COX7B2: variants seen among roughly 807,000 people sequenced by gnomAD.
COX7B2 encodes cytochrome c oxidase subunit 7B2.
For missense variants in COX7B2, 109 were observed against 95.9 expected (o/e 1.14, Z -0.57); for synonymous variants, 37 against 32.1 (o/e 1.15, Z -0.51).
At chr4:46,823,846 AC>A (rs1243660739) in intron 2 of COX7B2, among the ~76,000 whole-genome samples, 1 of 151,864 alleles carries the variant, frequency 6.6e-6, no homozygotes, top group African/African-American at 2.4e-5. Flanking sequence ...AAATTGACAA[AC>A]CTATAGCAAG....
chr4:46,804,839 G>C (rs1718905848), intron 2 of COX7B2, among the ~76,000 whole-genome samples: 1 of 152,248 alleles, frequency 6.6e-6, no homozygotes, highest in South Asian at 2.1e-4. Context: ...GCACTCCTCA[G>C]CCTTTGGGTG....
intron 2 of COX7B2, among the ~76,000 whole-genome samples, chr4:46,757,511 G>T (rs181326064): frequency 1.3e-5 from 2 of 152,012 alleles, no homozygotes; most frequent in Non-Finnish European, 1.5e-5. Context: ...CTCTGCTAAC[G>T]CCCAAAACAC....
chr4:46,839,962 C>A (rs1715819425), intron 2 of COX7B2, among the ~76,000 whole-genome samples: 1 of 151,928 alleles, frequency 6.6e-6, no homozygotes. Flanking sequence ...TAATGAGTAT[C>A]CATTAGGGAA....
chr4:46,761,225 C>T (rs1396782639), intron 2 of COX7B2, among the ~76,000 whole-genome samples: 1 of 152,162 alleles, frequency 6.6e-6, no homozygotes. Flanking sequence ...ACCAGAGCTT[C>T]TTGAAAAATA....
chr4:46,810,365 C>T (rs979405095), intron 2 of COX7B2, among the ~76,000 whole-genome samples: 2 of 151,948 alleles, frequency 1.3e-5, no homozygotes, highest in Admixed American at 6.5e-5. Flanking sequence ...TCTCTCTTGT[C>T]ATCTACCTTT....
intron 2 of COX7B2, among the ~76,000 whole-genome samples, chr4:46,796,759 G>A (rs1273551902): frequency 1.3e-4 from 4 of 30,026 alleles, no homozygotes; most frequent in Admixed American, 4.5e-4. Context: ...ATACTATGCA[G>A]CCATAAAAAA....
At chr4:46,873,211 T>C (rs1215153291) in intron 1 of COX7B2, among the ~76,000 whole-genome samples, 1 of 152,210 alleles carries the variant, frequency 6.6e-6, no homozygotes, top group East Asian at 1.9e-4. Context: ...ATTTTCTTTA[T>C]CCAGTCTATC....
intron 2 of COX7B2, among the ~76,000 whole-genome samples, chr4:46,745,292 C>T (rs6812330): frequency 5.9e-5 from 9 of 151,900 alleles, no homozygotes; most frequent in African/African-American, 1.9e-4. Context: ...GTTAATTAAT[C>T]TTTTTATGAA....
chr4:46,754,718 GTGTGTGTGTGTATA>G lies in COX7B2; in HGVS notation c.-49-19491_-49-19478del, dbSNP rs1371018299. Among the ~76,000 whole-genome samples, 7 of 35,092 alleles carry G rather than the reference GTGTGTGTGTGTATA, an allele frequency of 2.0e-4. 1 individual carries two copies. The highest frequency in any genetic ancestry group is 2.5e-3 in the East Asian group (2 of 812). 23.0% of individuals were successfully genotyped at this position (35,092 alleles called of 152,430 possible). ...AATACGTGTGTGTGTGTGTGTGTGTGTGTGTGTGTGTATATATATATATATATATATGAAAGAAA... is the reference window on the plus strand; with the variant it reads ...AATACGTGTGTGTGTGTGTGTGTGTGTATATATATATATATATGAAAGAAA... On this transcript the variant is annotated intron_variant, in intron 2 of 2. Transcript: ENST00000355591.
At chr4:46,869,459 T>C (rs1249830504) in intron 1 of COX7B2, among the ~76,000 whole-genome samples, 1 of 152,200 alleles carries the variant, frequency 6.6e-6, no homozygotes, top group Non-Finnish European at 1.5e-5. Flanking sequence ...GGTTGCTTTA[T>C]AGTGACACTG....
intron 2 of COX7B2, among the ~76,000 whole-genome samples, chr4:46,781,984 G>A (rs930796757): frequency 1.3e-5 from 2 of 152,156 alleles, no homozygotes; most frequent in Non-Finnish European, 2.9e-5. Context: ...CTCCCTGATG[G>A]GCGCCGCCCC....
chr4:46,875,420 C>A (rs1718259024), intron 1 of COX7B2, among the ~76,000 whole-genome samples: 1 of 152,126 alleles, frequency 6.6e-6, no homozygotes, highest in Non-Finnish European at 1.5e-5. Context: ...AAAATTGTTC[C>A]ATCTTTTCAA....
chr4:46,827,304 A>G (rs114439255), intron 2 of COX7B2, among the ~76,000 whole-genome samples: 20 of 152,234 alleles, frequency 1.3e-4, no homozygotes, highest in African/African-American at 4.6e-4. Flanking sequence ...GAAAATCACA[A>G]CCGAGAAACT....
intron 2 of COX7B2, among the ~76,000 whole-genome samples, chr4:46,735,893 G>A (rs1321190264): frequency 3.9e-5 from 6 of 152,046 alleles, no homozygotes; most frequent in Admixed American, 6.6e-5. Flanking sequence ...GGTTCACAGC[G>A]AAATTGAGCA....
intron 2 of COX7B2, among the ~76,000 whole-genome samples, chr4:46,827,589 C>T (rs1042361617): frequency 2.0e-5 from 3 of 152,106 alleles, no homozygotes; most frequent in African/African-American, 7.2e-5. Context: ...GAAATAAAAA[C>T]CTTTTGTGTC....
chr4:46,819,284 A>T (rs1341010798), intron 2 of COX7B2, among the ~76,000 whole-genome samples: 2 of 152,174 alleles, frequency 1.3e-5, no homozygotes, highest in African/African-American at 4.8e-5. Flanking sequence ...GTCACACCTC[A>T]TTCATTCCCT....
chr4:46,838,410 T>A (rs1055471355), intron 2 of COX7B2, among the ~76,000 whole-genome samples: 2 of 152,054 alleles, frequency 1.3e-5, no homozygotes, highest in Non-Finnish European at 2.9e-5. Context: ...GATGACATAA[T>A]TGGCATTCTG....
chr4:46,755,014 A>T lies in COX7B2; in HGVS notation c.-49-19773T>A, dbSNP rs1020143587. Among the ~76,000 whole-genome samples the T allele has an allele frequency of 4.0e-5, 6 of 151,712 alleles. No homozygotes were observed. In the Admixed American group the frequency reaches 4.0e-4, roughly 10 times the overall value. On this transcript the variant is annotated intron_variant, in intron 2 of 2. Coordinates refer to ENST00000355591, the MANE Select transcript of COX7B2 (RefSeq NM_130902.3). ...CAACAACAAAAGAAAACATGCAGTG[A>T]TGAACACAGATGCAAAAATCCTCAA...
Position 46,871,617 on chromosome 4 carries a change from A to T in COX7B2, c.-104-26603T>A, listed in dbSNP as rs574730340. On this transcript the variant is annotated intron_variant, in intron 1 of 2. Transcript: ENST00000355591. Reference sequence around the variant, plus strand: ...AAAGGTCTAATACCCAGCATCTATAAGGAGTTTAAACATATTTACAAGAAA... The same window carrying T: ...AAAGGTCTAATACCCAGCATCTATATGGAGTTTAAACATATTTACAAGAAA... Among the ~76,000 whole-genome samples, 347 of 151,990 alleles carry T rather than the reference A, an allele frequency of 2.3e-3. 3 individuals are homozygous for T. Among genetic ancestry groups the T allele is most frequent in the African/African-American group, 8.1e-3 (336 of 41,502 alleles).
Sources: gnomAD v4.1 joint callset for allele counts (sites outside exome capture counted in the v4.1 genomes callset) on GRCh38, gnomAD v4.1.1 for gene constraint, MANE v1.5 for transcripts, NCBI Gene and HGNC (gene_info 2026-07-23, HGNC 2026-07-21) for gene names.